Variants in MKS1 observed in about 807,000 individuals in gnomAD.
MKS1 encodes MKS transition zone complex subunit 1, also known as tectonic-like complex member MKS1.
A neutral mutation model predicts 83.7 loss-of-function variants in MKS1; 70 were observed. The ratio of observed to expected loss-of-function variants is 0.84; its 90% CI spans 0.69 to 1.02. MKS1 has a LOEUF of 1.02. Among genes scored for constraint, MKS1 ranks in the 50% least tolerant of loss-of-function variants. The pLI is 0.00. For missense variants in MKS1, 681 were observed against 726.9 expected, an observed-to-expected ratio of 0.94 and a Z score of 0.73; for synonymous variants, 251 against 273.4, an observed-to-expected ratio of 0.92 and a Z score of 0.81.
rs762439479 is a variant in MKS1 at position 58,207,882 on chromosome 17, A to T, written c.1273+12T>A. The stretch of plus-strand genomic sequence containing the variant: ...GCATGTGGGCCACAGAAGGGCAGAG[A>T]CGAGCGGTTACCTGGAGTGGCAGGC... On this transcript the variant is annotated intron_variant, in intron 14 of 17. Transcript: ENST00000393119. 6 of 1,609,404 alleles carry T rather than the reference A, an allele frequency of 3.7e-6. No homozygotes were observed. The Admixed American group carries it at 1.0e-4, about 27-fold the overall frequency.
At chr17:58,214,186 T>C in intron 6 of MKS1, 73 bp downstream of exon 6, 1 of 1,605,044 alleles carries the variant, frequency 6.2e-7, no homozygotes, top group East Asian at 2.2e-5. Flanking sequence ...AGGATGATAA[T>C]AACAGGAAGG....
Position 58,211,158 on chromosome 17 carries a change from C to A in MKS1, c.916-136G>T. The stretch of plus-strand genomic sequence containing the variant: ...GGGTGTCACTACTGCACTTTCTCCC[C>A]ACCCTGACACTTCTCCACAGATCTG... On this transcript the variant is annotated intron_variant, in intron 9 of 17. Transcript: ENST00000393119. The A allele has an allele frequency of 8.0e-6, 6 of 751,708 alleles. No homozygotes were observed. In the Admixed American group the frequency reaches 9.8e-5, roughly 12 times the overall value. 46.6% of individuals were successfully genotyped at this position (751,708 alleles called of 1,614,324 possible). A position where few individuals can be genotyped will look rare whatever the true frequency, so the allele number is the denominator to read the frequency against.
rs1281431444 is a variant in MKS1 at position 58,209,885 on chromosome 17, AC to A, written c.1024+773del. ...GGGGGATACATCAGAAGTTGAATGC[AC>A]TGGCCTAGACAAGAGATGGTGGTGG... is the stretch of plus-strand genomic sequence containing the variant. On this transcript the variant is annotated intron_variant, in intron 11 of 17. Transcript: ENST00000393119. The surrounding 1 kb of genome is among the most constrained non-coding windows in gnomAD (Gnocchi z 4.1). 6.6e-6 allele frequency among the ~76,000 whole-genome samples: 1 copy of A among 152,246 alleles called. No homozygotes were observed. The highest frequency in any genetic ancestry group is 1.9e-4 in the East Asian group (1 of 5,196).
Position 58,216,717 on chromosome 17 carries a change from T to C in MKS1, c.210A>G (p.Glu70=), listed in dbSNP as rs778759498. The C allele has an allele frequency of 1.5e-5, 24 of 1,614,072 alleles. No individual in the cohort carries two copies. Among genetic ancestry groups the C allele is most frequent in the Non-Finnish European group, 3.4e-6 (4 of 1,180,014 alleles). Residue 70 remains glutamate (E), a synonymous_variant, in exon 3 of 18, where the codon GAA becomes GAG. Coordinates refer to ENST00000393119, the MANE Select transcript of MKS1 (RefSeq NM_017777.4). ...QPTASGHRPE[E]DEEEEIVIGW... Reference sequence around the variant, plus strand: ...CAATCACAATCTCCTCCTCTTCGTCTTCCTCTGGGCGGTGTCCACCTCCAA... The same window carrying C: ...CAATCACAATCTCCTCCTCTTCGTCCTCCTCTGGGCGGTGTCCACCTCCAA...
At position 58,206,497 on chromosome 17, in the gene MKS1, G is replaced by A. The variant is rs780576848; in HGVS notation, c.1458C>T (p.Val486=). 1 of 1,614,080 alleles carries A rather than the reference G, an allele frequency of 6.2e-7. No homozygotes were observed. Among genetic ancestry groups the A allele is most frequent in the African/African-American group, 1.3e-5 (1 of 75,060 alleles). Residue 486 remains valine (V), a synonymous_variant, in exon 16 of 18, where the codon GTC becomes GTT. Coordinates refer to ENST00000393119, the MANE Select transcript of MKS1 (RefSeq NM_017777.4). Reference sequence around the variant, plus strand: ...GCTGCAGACAGTGCAAGCGGAAGGTGACAGTGCCTGTGGTCTCTGTGCGGA... The same window carrying A: ...GCTGCAGACAGTGCAAGCGGAAGGTAACAGTGCCTGTGGTCTCTGTGCGGA... ...FGLRTETTGT[V]TFRLHCLQQS...
rs1439561211 is a variant in MKS1 at position 58,212,421 on chromosome 17, TGCCG to T, written c.868_871del (p.Arg290ThrfsTer9). ...TACGAGGCTGCTGAGATACTCCTTGTGCCGGCCATAAAGCTGAGGAAACAAACCA... is the reference window on the plus strand; with the variant it reads ...TACGAGGCTGCTGAGATACTCCTTGTGCCATAAAGCTGAGGAAACAAACCA... On this transcript the variant is annotated frameshift_variant, in exon 9 of 18. Coordinates refer to ENST00000393119, the MANE Select transcript of MKS1 (RefSeq NM_017777.4). LOFTEE classifies it high-confidence loss of function. 2 of 1,614,178 alleles carry T rather than the reference TGCCG, an allele frequency of 1.2e-6. No homozygotes were observed. Among genetic ancestry groups the T allele is most frequent in the South Asian group, 2.2e-5 (2 of 91,084 alleles).
intron 10 of MKS1, 29 bp downstream of exon 10, chr17:58,210,951 C>CA (rs1234335545): frequency 6.2e-7 from 1 of 1,610,218 alleles, no homozygotes. Context: ...GCCTAAGCAT[C>CA]AAGAGATCTA....
rs569463908 is a variant in MKS1, at chr17:58,207,887, C to A, written c.1273+7G>T. On this transcript the variant is annotated splice_region_variant and intron_variant, in intron 14 of 17. Coordinates refer to ENST00000393119, the MANE Select transcript of MKS1 (RefSeq NM_017777.4). The stretch of plus-strand genomic sequence containing the variant: ...TGGGCCACAGAAGGGCAGAGACGAG[C>A]GGTTACCTGGAGTGGCAGGCAGCAC... 5.6e-6 allele frequency: 9 copies of A among 1,611,684 alleles called. No homozygotes were observed. Among genetic ancestry groups the A allele is most frequent in the Middle Eastern group, 3.3e-4 (2 of 5,990 alleles).
At chr17:58,216,406 A>G (rs1195587724) in intron 3 of MKS1, among the ~76,000 whole-genome samples, 163 bp from the exon 4 acceptor site, 2 of 152,268 alleles carry the variant, frequency 1.3e-5, no homozygotes, top group Non-Finnish European at 2.9e-5. Flanking sequence ...CAAGAACATT[A>G]GAGCTAAAAG....
rs936343815 is a variant in MKS1, at chr17:58,210,844, C to A, written c.959-120G>T. ...TCTTTTGAGGGCCAGGAACCCTCTG[C>A]GTTTCCAGGAAAGACTCACCACTGA... is the stretch of plus-strand genomic sequence containing the variant. On this transcript the variant is annotated intron_variant, in intron 10 of 17. Coordinates refer to ENST00000393119, the MANE Select transcript of MKS1 (RefSeq NM_017777.4). 7 of 1,433,420 alleles carry A rather than the reference C, an allele frequency of 4.9e-6. No homozygotes were observed. The African/African-American group carries it at 5.6e-5, about 12-fold the overall frequency. 88.8% of individuals were successfully genotyped at this position (1,433,420 alleles called of 1,614,324 possible).
intron 2 of MKS1, among the ~76,000 whole-genome samples, chr17:58,217,441 G>C (rs1482534644): frequency 6.6e-6 from 1 of 152,192 alleles, no homozygotes; most frequent in Non-Finnish European, 1.5e-5. Context: ...CATATATGTA[G>C]AATCACAAAC....
rs1212528189 is a variant in MKS1, at chr17:58,218,712, A to T, written c.98T>A (p.Ile33Asn). The change falls in exon 2 of 18, where the codon ATC becomes AAC. Residue 33 changes from isoleucine to asparagine, a missense_variant. Around this residue, in one of 3 missense-constraint regions of MKS1, gnomAD observed 365 missense variants for 383.8 expected, o/e 0.95. Transcript: ENST00000393119. ...ATAATGAAGAAAGTTGCTTGATGTG[A>T]TTCTTTGCAGGTGGACTCTGTCAAG... ...NLRLRVHLQR[I>N]TSSNFLHYQP... 1 of 1,613,918 alleles carries T rather than the reference A, an allele frequency of 6.2e-7. No homozygotes were observed. The highest frequency in any genetic ancestry group is 1.7e-5 in the Admixed American group (1 of 60,018).
At chr17:58,208,666 C>CTTT in intron 11 of MKS1, 83 bp from the exon 12 acceptor site, 20 of 1,028,548 alleles carry the variant, frequency 1.9e-5, no homozygotes, top group Middle Eastern at 2.5e-4. Context: ...TTTTTCTTTT[C>CTTT]TTTTTTTTTT....
At chr17:58,218,255 T>C (rs1969350623) in intron 2 of MKS1, among the ~76,000 whole-genome samples, 1 of 151,698 alleles carries the variant, frequency 6.6e-6, no homozygotes, top group Non-Finnish European at 1.5e-5. Flanking sequence ...GAGACAATCC[T>C]GGCTAACACG....
chr17:58,216,381 G>T, intron 3 of MKS1, 138 bp from the exon 4 acceptor site: 1 of 1,005,388 alleles, frequency 9.9e-7, no homozygotes, highest in Non-Finnish European at 1.5e-6. Flanking sequence ...CTAAACTAAT[G>T]AATGGCAGGG....
At position 58,208,615 on chromosome 17, in the gene MKS1, G is replaced by A. The variant is rs180929077; in HGVS notation, c.1025-32C>T. 1.7e-3 allele frequency: 2,769 copies of A among 1,596,916 alleles called. 3 individuals are homozygous for A. Among genetic ancestry groups the A allele is most frequent in the Non-Finnish European group, 2.0e-3 (2,340 of 1,164,644 alleles). ...GCCAAAGACCAAATATAGTAAGCTCGCCTGGGAGGAAAGCAAGTCATTCAG... is the reference window on the plus strand; with the variant it reads ...GCCAAAGACCAAATATAGTAAGCTCACCTGGGAGGAAAGCAAGTCATTCAG... On this transcript the variant is annotated intron_variant, in intron 11 of 17. Coordinates refer to ENST00000393119, the MANE Select transcript of MKS1 (RefSeq NM_017777.4).
rs886044205 is a variant in MKS1, at chr17:58,213,026, C to A, written c.814G>T (p.Ala272Ser). 2 of 1,614,120 alleles carry A rather than the reference C, an allele frequency of 1.2e-6. No homozygotes were observed. Among genetic ancestry groups the A allele is most frequent in the East Asian group, 2.2e-5 (1 of 44,870 alleles). The change falls in exon 8 of 18, where the codon GCA becomes TCA. Residue 272 changes from alanine (A) to serine (S), a missense_variant. Ala to Ser is a moderately conservative substitution (Grantham distance 99). Around this residue, in one of 3 missense-constraint regions of MKS1, gnomAD observed 365 missense variants for 383.8 expected, o/e 0.95. Coordinates refer to ENST00000393119, the MANE Select transcript of MKS1 (RefSeq NM_017777.4). ...TCCCGCTCCTCCTCCTCCGGCTGTG[C>A]GTGGGGGGAAACATTGTCGATCGTA... ...KYTIDNVSPH[A>S]QPEEEERERR...
intron 11 of MKS1, among the ~76,000 whole-genome samples, chr17:58,208,956 A>G (rs1218566402): frequency 2.6e-5 from 4 of 152,324 alleles, no homozygotes; most frequent in Middle Eastern, 3.4e-3. Flanking sequence ...GACACAGCAC[A>G]TGTTTCAGAG....
Position 58,213,629 on chromosome 17 carries a change from G to A in MKS1, c.749+136C>T, listed in dbSNP as rs915326382. ...TTCTAAGGCCCTATGACTTGGAACAGAATACGAACCATTGCCTGGGAATGT... is the reference window on the plus strand; with the variant it reads ...TTCTAAGGCCCTATGACTTGGAACAAAATACGAACCATTGCCTGGGAATGT... On this transcript the variant is annotated intron_variant, in intron 7 of 17. Coordinates refer to ENST00000393119, the MANE Select transcript of MKS1 (RefSeq NM_017777.4). 3 of 755,572 alleles carry A rather than the reference G, an allele frequency of 4.0e-6. No individual in the cohort carries two copies. In the African/African-American group the frequency reaches 5.2e-5, roughly 13 times the overall value. 46.8% of individuals were successfully genotyped at this position (755,572 alleles called of 1,614,324 possible).
Sources: allele counts gnomAD v4.1 joint callset (sites outside exome capture counted in the v4.1 genomes callset), GRCh38; gene constraint gnomAD v4.1.1; regional missense constraint gnomAD v4.1.1; non-coding constraint Gnocchi (gnomAD v3.1); transcripts MANE v1.5; gene names NCBI Gene and HGNC (gene_info 2026-07-23, HGNC 2026-07-21).